The following DNAJC5 variants were observed in gnomAD, a reference collection of about 807,000 sequenced individuals.
The protein encoded by DNAJC5 is dnaJ homolog subfamily C member 5.
In DNAJC5, 1 loss-of-function variant was observed where a neutral mutation model predicts 23.2. The ratio of observed to expected loss-of-function variants is 0.04; its 90% CI spans 0.02 to 0.20. The LOEUF is 0.20. Ranked by LOEUF, DNAJC5 falls within the 10% of genes least tolerant of loss-of-function variation. The probability of loss-of-function intolerance (pLI) is 1.00; values close to 1 mark genes in which losing one functional copy is unlikely to be tolerated. For missense variants in DNAJC5, 180 were observed against 267.0 expected (o/e 0.67, Z 2.27); for synonymous variants, 136 against 120.0 (o/e 1.13, Z -0.87).
chr20:63,905,159 A>C (rs972000272), intron 1 of DNAJC5, among the ~76,000 whole-genome samples: 2 of 145,070 alleles, frequency 1.4e-5, no homozygotes, highest in African/African-American at 5.2e-5. Flanking sequence ...CTTGTCGCCC[A>C]GGCTGGAGTG....
intron 1 of DNAJC5, among the ~76,000 whole-genome samples, chr20:63,911,597 A>T (rs1250858952): frequency 6.6e-6 from 1 of 151,662 alleles, no homozygotes; most frequent in Non-Finnish European, 1.5e-5. Context: ...GCTCAGCATC[A>T]CTGTTGCTTT....
intron 1 of DNAJC5, among the ~76,000 whole-genome samples, chr20:63,899,946 C>T (rs182058015): frequency 6.4e-4 from 87 of 135,476 alleles, no homozygotes; most frequent in African/African-American, 2.3e-3. Context: ...TTGAGTACAA[C>T]GGTACGGTTT....
At chr20:63,898,761 A>T (rs1320997850) in intron 1 of DNAJC5, among the ~76,000 whole-genome samples, 1 of 152,146 alleles carries the variant, frequency 6.6e-6, no homozygotes, top group Non-Finnish European at 1.5e-5. Context: ...GAATTGCTTG[A>T]ACCCGGGAGG....
At position 63,933,221 on chromosome 20, in the gene DNAJC5, C is replaced by G. The variant is rs1319463510; in HGVS notation, c.*1653C>G. 1.3e-5 allele frequency: 2 copies of G among 152,772 alleles called. No individual in the cohort carries two copies. Among genetic ancestry groups the G allele is most frequent in the South Asian group, 4.1e-4 (2 of 4,840 alleles). The allele number at this position is 152,772 out of a possible 1,614,324, so 9.5% of individuals were successfully genotyped here. Reference sequence around the variant, plus strand: ...TCCCTGCCTGCCTGCTGACCCGTGGCCCCAGCTCACTCATTGCCCTCAGCA... The same window carrying G: ...TCCCTGCCTGCCTGCTGACCCGTGGGCCCAGCTCACTCATTGCCCTCAGCA... On this transcript the variant is annotated 3_prime_UTR_variant, in exon 5 of 5. Transcript: ENST00000360864.
intron 1 of DNAJC5, among the ~76,000 whole-genome samples, chr20:63,916,282 GTTCT>G (rs1225576930): frequency 3.3e-5 from 5 of 152,168 alleles, no homozygotes; most frequent in Non-Finnish European, 1.5e-5. Context: ...TTCAATGTAG[GTTCT>G]TTCTATTTTC....
chr20:63,935,981 C>T lies in DNAJC5; in HGVS notation c.*4413C>T, dbSNP rs999998136. ...TCCGTCTTGTATGTCTGAATGTTGG[C>T]CTAAAATAAAGATTACTGTTGTAAA... is the stretch of plus-strand genomic sequence containing the variant. On this transcript the variant is annotated 3_prime_UTR_variant, in exon 5 of 5. Transcript: ENST00000360864. 3.3e-5 allele frequency: 5 copies of T among 152,098 alleles called. No homozygotes were observed. Among genetic ancestry groups the T allele is most frequent in the Non-Finnish European group, 7.3e-5 (5 of 68,048 alleles). 9.4% of individuals were successfully genotyped at this position (152,098 alleles called of 1,614,324 possible). A position where few individuals can be genotyped will look rare whatever the true frequency, so the allele number is the denominator to read the frequency against.
chr20:63,929,675 C>G lies in DNAJC5; in HGVS notation c.321+150C>G. 1.2e-6 allele frequency: 1 copy of G among 809,980 alleles called. No individual in the cohort carries two copies. The highest frequency in any genetic ancestry group is 1.5e-5 in the South Asian group (1 of 67,794). 50.2% of individuals were successfully genotyped at this position (809,980 alleles called of 1,614,324 possible). ...GTGCGGGCACCCGAGTCTCTCCTGC[C>G]GTGCGGGCACCCGAGTCACTCCTGC... On this transcript the variant is annotated intron_variant, in intron 3 of 4. Transcript: ENST00000360864. The surrounding 1 kb of genome is among the most constrained non-coding windows in gnomAD (Gnocchi z 8.6).
In DNAJC5 at chr20:63,931,213, G is replaced by A. The variant is rs570142383; in HGVS notation, c.493+191G>A. On this transcript the variant is annotated intron_variant, in intron 4 of 4. Transcript: ENST00000360864. This position sits in a 1 kb window ranked among gnomAD's most constrained non-coding sequence, Gnocchi z 9.6. ...GCAGGCGCATAGAGCTGTCCCCGCC[G>A]TGACCTGCGGTAGCCGTAGATCCCA... The A allele has an allele frequency of 2.9e-5, 23 of 797,338 alleles. No homozygotes were observed. In the East Asian group the frequency reaches 4.0e-4, roughly 14 times the overall value. The allele number at this position is 797,338 out of a possible 1,614,324, so 49.4% of individuals were successfully genotyped here. A position where few individuals can be genotyped will look rare whatever the true frequency, so the allele number is the denominator to read the frequency against.
chr20:63,914,662 C>T (rs1196984289), intron 1 of DNAJC5, among the ~76,000 whole-genome samples: 6 of 146,082 alleles, frequency 4.1e-5, no homozygotes, highest in Admixed American at 1.4e-4. Context: ...GTCGCCCAGG[C>T]TGGAGTGTGG....
Position 63,905,263 on chromosome 20 carries a change from GCAC to G in DNAJC5, c.-12+9946_-12+9948del, listed in dbSNP as rs558776885. Among the ~76,000 whole-genome samples the G allele has an allele frequency of 4.6e-4, 69 of 151,278 alleles. 4 individuals are homozygous for G. In the South Asian group the frequency reaches 0.014, roughly 32 times the overall value. On this transcript the variant is annotated intron_variant, in intron 1 of 4. Coordinates refer to ENST00000360864, the MANE Select transcript of DNAJC5 (RefSeq NM_025219.3). Reference sequence around the variant, plus strand: ...CCTGAGTAGCTGGAACTGCAGGTGTGCACCACCATGCCCGGCTAATTTTTGTAT... The same window carrying G: ...CCTGAGTAGCTGGAACTGCAGGTGTGCACCATGCCCGGCTAATTTTTGTAT...
chr20:63,930,797 C>A, intron 3 of DNAJC5, 54 bp from the exon 4 acceptor site: 1 of 1,609,536 alleles, frequency 6.2e-7, no homozygotes, highest in Admixed American at 1.7e-5. Flanking sequence ...AGTCCTGCGC[C>A]TCCCTCTCCA....
At chr20:63,930,153 T>C (rs184325290) in intron 3 of DNAJC5, among the ~76,000 whole-genome samples, 231 of 152,344 alleles carry the variant, frequency 1.5e-3, no homozygotes, top group Non-Finnish European at 2.2e-3. Flanking sequence ...CTGGTCGGCC[T>C]CCTCACTAGA....
rs996613635 is a variant in DNAJC5 at position 63,921,228 on chromosome 20, G to T, written c.-11-7107G>T. Among the ~76,000 whole-genome samples, 3 of 152,054 alleles carry T rather than the reference G, an allele frequency of 2.0e-5. 1 individual carries two copies. The South Asian group carries it at 6.2e-4, about 31-fold the overall frequency. On this transcript the variant is annotated intron_variant, in intron 1 of 4. Coordinates refer to ENST00000360864, the MANE Select transcript of DNAJC5 (RefSeq NM_025219.3). ...CCCTCCTCAGCCTCCCAAAGTTTTG[G>T]GATTACAAGCTTGAGCCACCGTGCC...
Position 63,928,166 on chromosome 20 carries a change from C to T in DNAJC5, c.-11-169C>T, listed in dbSNP as rs913698403. On this transcript the variant is annotated intron_variant, in intron 1 of 4. Transcript: ENST00000360864. The surrounding 1 kb of genome is among the most constrained non-coding windows in gnomAD (Gnocchi z 4.6). The stretch of plus-strand genomic sequence containing the variant: ...ATCTCTTGGGGTGGCCGTATTCTGC[C>T]GTCTCACACTTCTCCATGCCATGGC... 1.3e-5 allele frequency among the ~76,000 whole-genome samples: 2 copies of T among 152,132 alleles called. No homozygotes were observed. Among genetic ancestry groups the T allele is most frequent in the African/African-American group, 2.4e-5 (1 of 41,428 alleles).
chr20:63,908,071 A>G (rs1239721648), intron 1 of DNAJC5, among the ~76,000 whole-genome samples: 1 of 152,102 alleles, frequency 6.6e-6, no homozygotes, highest in Admixed American at 6.6e-5. Flanking sequence ...TGGCCCTGAA[A>G]TTTCGCATGT....
chr20:63,902,358 CTTTTTTTTTTT>C (rs34309020), intron 1 of DNAJC5, among the ~76,000 whole-genome samples: 4 of 83,364 alleles, frequency 4.8e-5, no homozygotes, highest in Non-Finnish European at 8.6e-5. Flanking sequence ...CTGGCCTCAT[CTTTTTTTTTTT>C]TTTTTTTTTT....
chr20:63,921,004 G>A (rs1427188521), intron 1 of DNAJC5, among the ~76,000 whole-genome samples: 2 of 151,950 alleles, frequency 1.3e-5, no homozygotes, highest in African/African-American at 4.8e-5. Flanking sequence ...TTGTTACGCA[G>A]ACTGGAGTGC....
intron 1 of DNAJC5, among the ~76,000 whole-genome samples, chr20:63,924,203 A>G (rs1383686046): frequency 6.7e-6 from 1 of 150,374 alleles, no homozygotes; most frequent in Non-Finnish European, 1.5e-5. Context: ...AATCAGTATC[A>G]GTTTCTGCAA....
chr20:63,929,264 G>A lies in DNAJC5; in HGVS notation c.108-48G>A, dbSNP rs1423960359. 6.3e-7 allele frequency: 1 copy of A among 1,582,788 alleles called. No homozygotes were observed. Among genetic ancestry groups the A allele is most frequent in the Admixed American group, 1.8e-5 (1 of 54,458 alleles). ...TGGGATGGACGCGGCGGCGGGTGCG[G>A]GTGGAACAAAGTCCAGGGTAGAGCC... On this transcript the variant is annotated intron_variant, in intron 2 of 4. Coordinates refer to ENST00000360864, the MANE Select transcript of DNAJC5 (RefSeq NM_025219.3). The surrounding 1 kb of genome is among the most constrained non-coding windows in gnomAD (Gnocchi z 8.6).
Sources: gnomAD v4.1 joint callset for allele counts (sites outside exome capture counted in the v4.1 genomes callset) on GRCh38, gnomAD v4.1.1 for gene constraint, Gnocchi (gnomAD v3.1) non-coding constraint, MANE v1.5 for transcripts, NCBI Gene and HGNC (gene_info 2026-07-23, HGNC 2026-07-21) for gene names.